EPHA7: variants seen among roughly 807,000 people sequenced by gnomAD.
The protein encoded by EPHA7 is ephrin type-A receptor 7.
A neutral mutation model predicts 112.6 loss-of-function variants in EPHA7; 25 were observed. The observed-to-expected ratio is 0.22, with a 90% CI of 0.16 to 0.31. EPHA7 has a LOEUF of 0.31. Among genes scored for constraint, EPHA7 ranks in the 10% least tolerant of loss-of-function variants. The pLI is 1.00. For missense variants in EPHA7, 962 were observed against 1,212.6 expected, an observed-to-expected ratio of 0.79 and a Z score of 3.07; for synonymous variants, 437 against 406.5, an observed-to-expected ratio of 1.07 and a Z score of -0.90.
chr6:93,257,950 G>T, intron 11 of EPHA7, 149 bp downstream of exon 11: 1 of 712,660 alleles, frequency 1.4e-6, no homozygotes, highest in East Asian at 2.9e-5. Context: ...ATAACATAAA[G>T]GAAGAATTTT....
chr6:93,247,064 G>C, intron 14 of EPHA7, 79 bp from the exon 15 acceptor site: 1 of 1,258,808 alleles, frequency 7.9e-7, no homozygotes, highest in Admixed American at 2.6e-5. Flanking sequence ...TAGGCAAAAT[G>C]ATTTATCCAG....
At position 93,263,899 on chromosome 6, in the gene EPHA7, T is replaced by C. The variant is rs1432954439; in HGVS notation, c.1759A>G (p.Lys587Glu). The C allele has an allele frequency of 6.2e-7, 1 of 1,609,588 alleles. No homozygotes were observed. Among genetic ancestry groups the C allele is most frequent in the East Asian group, 2.2e-5 (1 of 44,672 alleles). ...TCTTCATCGCCTTCTTGGTCAGCTT[T>C]GCTATAACCACAGTGCCTTGAAGAA... ...IIGRRHCGYSKADQEGDEELY... is the reference protein window; with the variant it reads ...IIGRRHCGYSEADQEGDEELY... Residue 587 changes from lysine to glutamate, a missense_variant, in exon 9 of 17, where the codon AAA becomes GAA. Coordinates refer to ENST00000369303, the MANE Select transcript of EPHA7 (RefSeq NM_004440.4).
intron 3 of EPHA7, among the ~76,000 whole-genome samples, chr6:93,385,000 T>G (rs567824594): frequency 6.6e-6 from 1 of 152,270 alleles, no homozygotes; most frequent in South Asian, 2.1e-4. Context: ...ATGGCAAAAT[T>G]TAATATGCCA....
intron 2 of EPHA7, among the ~76,000 whole-genome samples, chr6:93,411,848 A>G (rs1243364762): frequency 6.6e-6 from 1 of 152,084 alleles, no homozygotes; most frequent in African/African-American, 2.4e-5. Flanking sequence ...TTCAATAGAC[A>G]ATCAAATGTA....
intron 5 of EPHA7, among the ~76,000 whole-genome samples, chr6:93,308,930 T>G (rs2127860916): frequency 6.6e-6 from 1 of 151,840 alleles, no homozygotes; most frequent in African/African-American, 2.4e-5. Context: ...GTTTGACAAT[T>G]ACTTACAAAT....
chr6:93,268,278 G>T (rs1279431045), intron 7 of EPHA7, among the ~76,000 whole-genome samples: 2 of 151,562 alleles, frequency 1.3e-5, no homozygotes, highest in African/African-American at 4.8e-5. Context: ...TTTATTATTT[G>T]TGGCTATAAG....
chr6:93,291,594 C>G (rs545209475), intron 5 of EPHA7, among the ~76,000 whole-genome samples: 1 of 148,830 alleles, frequency 6.7e-6, no homozygotes, highest in Non-Finnish European at 1.5e-5. Context: ...CGGTGAAACC[C>G]CGTCTCTACT....
chr6:93,255,465 T>C (rs756962670), intron 13 of EPHA7, among the ~76,000 whole-genome samples: 2 of 152,212 alleles, frequency 1.3e-5, no homozygotes, highest in Admixed American at 6.5e-5. Flanking sequence ...TTTTTTCTAA[T>C]CTTACAAAAG....
intron 12 of EPHA7, 46 bp downstream of exon 12, chr6:93,257,415 TA>T: frequency 7.2e-7 from 1 of 1,392,394 alleles, no homozygotes; most frequent in Non-Finnish European, 9.9e-7. Context: ...ATTATATTGG[TA>T]GCAAGCATAG....
intron 9 of EPHA7, among the ~76,000 whole-genome samples, chr6:93,260,281 A>C (rs1449731876): frequency 6.6e-6 from 1 of 151,896 alleles, no homozygotes; most frequent in Non-Finnish European, 1.5e-5. Flanking sequence ...GTCAAAATGC[A>C]AACAACATAG....
At chr6:93,383,086 C>A (rs539590097) in intron 3 of EPHA7, among the ~76,000 whole-genome samples, 1 of 152,140 alleles carries the variant, frequency 6.6e-6, no homozygotes, top group South Asian at 2.1e-4. Flanking sequence ...TTCCCCACTC[C>A]CTTAAATATT....
chr6:93,273,609 C>G (rs1771336069), intron 5 of EPHA7, among the ~76,000 whole-genome samples: 1 of 151,896 alleles, frequency 6.6e-6, no homozygotes, highest in African/African-American at 2.4e-5. Flanking sequence ...TCCCAGATTA[C>G]TAACAAAAGC....
chr6:93,393,759 A>G (rs1778023183), intron 3 of EPHA7, among the ~76,000 whole-genome samples: 1 of 151,800 alleles, frequency 6.6e-6, no homozygotes, highest in African/African-American at 2.4e-5. Flanking sequence ...TTAGATTCGA[A>G]CACCTGGCTA....
chr6:93,391,687 T>C (rs1344315310), intron 3 of EPHA7, among the ~76,000 whole-genome samples: 2 of 151,884 alleles, frequency 1.3e-5, no homozygotes, highest in South Asian at 2.1e-4. Context: ...TATTTATGAA[T>C]ACAAATGACA....
In EPHA7 at chr6:93,269,651, C is replaced by T. The variant is rs776583281; in HGVS notation, c.1459G>A (p.Glu487Lys). 25 of 1,525,322 alleles carry T rather than the reference C, an allele frequency of 1.6e-5. No homozygotes were observed. Among genetic ancestry groups the T allele is most frequent in the Non-Finnish European group, 2.0e-5 (23 of 1,141,496 alleles). The allele number at this position is 1,525,322 out of a possible 1,614,324, so 94.5% of individuals were successfully genotyped here. Residue 487 changes from glutamate (E) to lysine (K), a missense_variant, in exon 7 of 17, where the codon GAA becomes AAA. Glu to Lys is a moderately conservative substitution (Grantham distance 56). This residue lies in a region of EPHA7 where 746 missense variants were observed against 889.2 expected (regional missense o/e 0.84). Coordinates refer to ENST00000369303, the MANE Select transcript of EPHA7 (RefSeq NM_004440.4). The part of the protein sequence containing the change: ...EIKYYEKDQR[E>K]RTYSTVKTKS... ...GTTTTTACTGTTGAGTAGGTCCGTT[C>T]CCTTTGATCCTAGAAACAATATTTA... is the stretch of plus-strand genomic sequence containing the variant.
At chr6:93,312,465 C>A (rs1253417848) in intron 5 of EPHA7, among the ~76,000 whole-genome samples, 1 of 152,006 alleles carries the variant, frequency 6.6e-6, no homozygotes, top group Non-Finnish European at 1.5e-5. Context: ...TTCTGAGATT[C>A]CTCATCTCTC....
At chr6:93,323,185 CAAAT>C (rs879877206) in intron 5 of EPHA7, among the ~76,000 whole-genome samples, 26 of 151,530 alleles carry the variant, frequency 1.7e-4, no homozygotes, top group Admixed American at 2.0e-4. Context: ...ATGAAAGAAA[CAAAT>C]AAGCAGACTG....
intron 5 of EPHA7, among the ~76,000 whole-genome samples, chr6:93,338,695 T>A (rs1774994377): frequency 6.6e-6 from 1 of 151,878 alleles, no homozygotes; most frequent in African/African-American, 2.4e-5. Context: ...GAATATATCT[T>A]AAAAACTTAA....
chr6:93,348,503 C>T (rs578087389), intron 5 of EPHA7, among the ~76,000 whole-genome samples: 9 of 151,640 alleles, frequency 5.9e-5, no homozygotes, highest in Admixed American at 2.0e-4. Flanking sequence ...TGAAGCATTA[C>T]GAAAGTTTTC....
Sources: allele counts gnomAD v4.1 joint callset (sites outside exome capture counted in the v4.1 genomes callset), GRCh38; gene constraint gnomAD v4.1.1; regional missense constraint gnomAD v4.1.1; transcripts MANE v1.5; gene names NCBI Gene and HGNC (gene_info 2026-07-23, HGNC 2026-07-21).